The following PANK1 variants were observed in gnomAD, a reference collection of about 807,000 sequenced individuals.
PANK1 encodes the protein pantothenate kinase 1, also known as pantothenic acid kinase 1.
In PANK1, 18 loss-of-function variants were observed where a neutral mutation model predicts 40.1. The ratio of observed to expected loss-of-function variants is 0.45; its 90% confidence interval spans 0.31 to 0.67. The LOEUF (loss-of-function observed/expected upper bound fraction) is 0.67, where lower values mean the gene tolerates loss of function less well. Ranked by LOEUF, PANK1 falls within the 30% of genes least tolerant of loss-of-function variation. The pLI is 0.06. For missense variants in PANK1, 457 were observed against 599.6 expected (o/e 0.76, Z 2.48); for synonymous variants, 242 against 237.7 (o/e 1.02, Z -0.17).
At chr10:89,601,479 TAAAC>T (rs1218954001) in intron 2 of PANK1, among the ~76,000 whole-genome samples, 12 of 152,074 alleles carry the variant, frequency 7.9e-5, no homozygotes, top group Non-Finnish European at 1.6e-4. Flanking sequence ...AGATTCTGTC[TAAAC>T]AAACAAACAA....
At chr10:89,599,163 A>C in intron 3 of PANK1, 89 bp downstream of exon 3, 1 of 1,267,338 alleles carries the variant, frequency 7.9e-7, no homozygotes, top group South Asian at 1.5e-5. Context: ...TATTTCTTTT[A>C]AAAATGTATT....
chr10:89,604,003 C>T (rs1456974696), intron 2 of PANK1, among the ~76,000 whole-genome samples: 4 of 152,138 alleles, frequency 2.6e-5, no homozygotes, highest in Non-Finnish European at 4.4e-5. Flanking sequence ...GTGTCCTACC[C>T]GCTCCTGATG....
At chr10:89,641,439 T>C (rs1205504891) in intron 1 of PANK1, among the ~76,000 whole-genome samples, 1 of 152,212 alleles carries the variant, frequency 6.6e-6, no homozygotes, top group Non-Finnish European at 1.5e-5. Flanking sequence ...CTCTCACTCA[T>C]TTTCTGCTAT....
intron 1 of PANK1, among the ~76,000 whole-genome samples, chr10:89,626,960 G>A (rs1484319174): frequency 3.3e-5 from 5 of 152,096 alleles, no homozygotes; most frequent in Admixed American, 1.3e-4. Context: ...GAGGCTTCAG[G>A]GAGAACAGCA....
rs1021474698 is a variant in PANK1, at chr10:89,583,760, G to C, written c.*646C>G. On this transcript the variant is annotated 3_prime_UTR_variant, in exon 7 of 7. Coordinates refer to ENST00000307534, the MANE Select transcript of PANK1 (RefSeq NM_148977.3). ...TTGTGCTTAACTTTGTATTGAGCTGGTCAGCACCTTCATTGATATGAACAA... is the reference window on the plus strand; with the variant it reads ...TTGTGCTTAACTTTGTATTGAGCTGCTCAGCACCTTCATTGATATGAACAA... 1 of 152,134 alleles carries C rather than the reference G, an allele frequency of 6.6e-6. No individual in the cohort carries two copies. Among genetic ancestry groups the C allele is most frequent in the African/African-American group, 2.4e-5 (1 of 41,430 alleles). 9.4% of individuals were successfully genotyped at this position (152,134 alleles called of 1,614,324 possible).
chr10:89,592,960 T>A, intron 5 of PANK1: 1 of 554,216 alleles, frequency 1.8e-6, no homozygotes, highest in Non-Finnish European at 3.3e-6. Context: ...TGTAATTGTA[T>A]CCTGTTTCCA....
rs1471068007 is a variant in PANK1 at position 89,583,430 on chromosome 10, C to T, written c.*976G>A. ...AACAAATAGATATTACTATCTGACA[C>T]CTCAACCCATGACTTACCCTAAATC... On this transcript the variant is annotated 3_prime_UTR_variant, in exon 7 of 7. Coordinates refer to ENST00000307534, the MANE Select transcript of PANK1 (RefSeq NM_148977.3). 6.6e-6 allele frequency: 1 copy of T among 152,134 alleles called. No individual in the cohort carries two copies. Among genetic ancestry groups the T allele is most frequent in the Non-Finnish European group, 1.5e-5 (1 of 68,014 alleles). 9.4% of individuals were successfully genotyped at this position (152,134 alleles called of 1,614,324 possible).
intron 1 of PANK1, among the ~76,000 whole-genome samples, chr10:89,631,989 A>ATTTTT: frequency 9.7e-6 from 1 of 102,624 alleles, no homozygotes; most frequent in African/African-American, 3.1e-5. Flanking sequence ...TTTTTTTTTA[A>ATTTTT]AAAGGGTTCT....
chr10:89,600,323 G>A (rs539898177), intron 2 of PANK1, among the ~76,000 whole-genome samples: 2 of 152,254 alleles, frequency 1.3e-5, no homozygotes, highest in South Asian at 4.2e-4. Flanking sequence ...GGGAACTGGG[G>A]TGAATCACCT....
intron 1 of PANK1, among the ~76,000 whole-genome samples, chr10:89,618,528 A>T (rs1358073992): frequency 1.3e-5 from 2 of 152,218 alleles, no homozygotes; most frequent in East Asian, 3.8e-4. Flanking sequence ...TTTGCCTGTA[A>T]GAGGGAGAGT....
chr10:89,584,304 C>A lies in PANK1; in HGVS notation c.*102G>T. The A allele has an allele frequency of 1.4e-6, 1 of 734,940 alleles. No individual in the cohort carries two copies. The highest frequency in any genetic ancestry group is 1.6e-5 in the South Asian group (1 of 64,054). The allele number at this position is 734,940 out of a possible 1,614,324, so 45.5% of individuals were successfully genotyped here. On this transcript the variant is annotated 3_prime_UTR_variant, in exon 7 of 7. Transcript: ENST00000307534. ...TTACAAATCCAGCAGGTTCATCTGC[C>A]ATAATGGCTTGGCTTCCGTCCCAAA...
At chr10:89,601,976 T>C (rs866403703) in intron 2 of PANK1, among the ~76,000 whole-genome samples, 2 of 152,344 alleles carry the variant, frequency 1.3e-5, no homozygotes, top group Middle Eastern at 3.4e-3. Context: ...CTTAGCACTA[T>C]GCTCAAAGGC....
intron 2 of PANK1, among the ~76,000 whole-genome samples, chr10:89,603,203 G>T (rs796422065): frequency 6.6e-6 from 1 of 152,104 alleles, no homozygotes; most frequent in East Asian, 1.9e-4. Context: ...AATTTCCATC[G>T]TATAATCACC....
rs114708595 is a variant in PANK1, at chr10:89,619,056, T to C, written c.293-7008A>G. Among the ~76,000 whole-genome samples the C allele has an allele frequency of 5.0e-3, 764 of 152,308 alleles. 5 individuals carry two copies. The highest frequency in any genetic ancestry group is 0.016 in the African/African-American group (685 of 41,554). On this transcript the variant is annotated intron_variant, in intron 1 of 6. Transcript: ENST00000307534. Reference sequence around the variant, plus strand: ...CTAGCAGAACTATATATAGGAACTGTCATGATCACAGACAAACATGTGGTA... The same window carrying C: ...CTAGCAGAACTATATATAGGAACTGCCATGATCACAGACAAACATGTGGTA...
intron 2 of PANK1, among the ~76,000 whole-genome samples, chr10:89,601,101 C>G (rs934892041): frequency 1.3e-5 from 2 of 152,018 alleles, no homozygotes; most frequent in African/African-American, 2.4e-5. Flanking sequence ...GGTACTGCTT[C>G]TGGAGTCTGG....
At chr10:89,581,129 CT>C (rs1376985270), downstream of PANK1, 2 of 152,244 alleles carry the variant, frequency 1.3e-5, no homozygotes, top group Non-Finnish European at 2.9e-5. Context: ...TTGAATGGCA[CT>C]TGTGGCACTT....
intron 1 of PANK1, among the ~76,000 whole-genome samples, chr10:89,632,541 C>A (rs906725581): frequency 6.6e-6 from 1 of 151,920 alleles, no homozygotes; most frequent in African/African-American, 2.4e-5. Context: ...GAACAAATAA[C>A]TCAAAATAAC....
chr10:89,595,832 AAATATATATATAT>A (rs1359362713), intron 3 of PANK1, among the ~76,000 whole-genome samples: 3 of 56,552 alleles, frequency 5.3e-5, no homozygotes, highest in African/African-American at 3.1e-4. Context: ...AAAAAAAAAA[AAATATATATATAT>A]ATATATATAT....
intron 1 of PANK1, among the ~76,000 whole-genome samples, chr10:89,638,048 G>A (rs1841872722): frequency 6.6e-6 from 1 of 151,942 alleles, no homozygotes; most frequent in Non-Finnish European, 1.5e-5. Context: ...CCCACATCTT[G>A]TCCCACTAGA....
Sources: allele counts gnomAD v4.1 joint callset (sites outside exome capture counted in the v4.1 genomes callset), GRCh38; gene constraint gnomAD v4.1.1; transcripts MANE v1.5; gene names NCBI Gene and HGNC (gene_info 2026-07-23, HGNC 2026-07-21).